Variants in COQ5 observed in about 807,000 individuals in gnomAD.
COQ5 encodes 2-methoxy-6-polyprenyl-1,4-benzoquinol methylase, mitochondrial.
A neutral mutation model predicts 40.5 loss-of-function variants in COQ5; 27 were observed. That is an observed-to-expected ratio of 0.67 (90% CI 0.49 to 0.92). COQ5 has a LOEUF of 0.92. Ranked by LOEUF, COQ5 falls within the 40% of genes least tolerant of loss-of-function variation. The probability of loss-of-function intolerance (pLI) is 0.00; values close to 1 mark genes in which losing one functional copy is unlikely to be tolerated. For synonymous variants in COQ5, 141 were observed against 150.0 expected (o/e 0.94, Z 0.44); for missense variants, 409 against 406.4 (o/e 1.01, Z -0.06).
intron 1 of COQ5, among the ~76,000 whole-genome samples, chr12:120,527,612 T>G (rs1870009706): frequency 6.6e-6 from 1 of 152,136 alleles, no homozygotes; most frequent in Non-Finnish European, 1.5e-5. Flanking sequence ...AATTCATATT[T>G]AGTTCAGTAG....
chr12:120,521,975 C>T (rs1019109403), intron 2 of COQ5, among the ~76,000 whole-genome samples: 7 of 151,198 alleles, frequency 4.6e-5, no homozygotes, highest in Non-Finnish European at 8.8e-5. Context: ...CCAGCCTGGG[C>T]GACAGAGTGA....
chr12:120,505,218 T>A (rs1868826047), intron 4 of COQ5, among the ~76,000 whole-genome samples: 1 of 152,170 alleles, frequency 6.6e-6, no homozygotes. Context: ...CTAAACTGAC[T>A]ACAGATTGGT....
chr12:120,513,456 T>A (rs1194355485), intron 3 of COQ5, among the ~76,000 whole-genome samples: 1 of 148,724 alleles, frequency 6.7e-6, no homozygotes, highest in African/African-American at 2.5e-5. Context: ...GAGCCGAGAT[T>A]GCGCCACTGC....
At chr12:120,526,901 G>A (rs1337350262) in intron 1 of COQ5, 1 of 160,616 alleles carries the variant, frequency 6.2e-6, no homozygotes, top group Non-Finnish European at 1.4e-5. Context: ...ATTTTTAGTA[G>A]AGACGGAGTT....
chr12:120,503,775 G>C lies in COQ5; in HGVS notation c.*9C>G, dbSNP rs1426930242. The stretch of plus-strand genomic sequence containing the variant: ...TATGACTGGTTCATGCTCCATGATA[G>C]GAAAGGAATTAAAGTTTGAAGCCAG... On this transcript the variant is annotated 3_prime_UTR_variant, in exon 7 of 7. Transcript: ENST00000288532. 3 of 1,602,716 alleles carry C rather than the reference G, an allele frequency of 1.9e-6. No homozygotes were observed. The highest frequency in any genetic ancestry group is 8.5e-7 in the Non-Finnish European group (1 of 1,169,654).
chr12:120,521,614 G>T (rs1869660731), intron 2 of COQ5, among the ~76,000 whole-genome samples: 1 of 149,082 alleles, frequency 6.7e-6, no homozygotes, highest in Non-Finnish European at 1.5e-5. Context: ...GGTGGAGGTT[G>T]CAGTGGAGCC....
Position 120,510,026 on chromosome 12 carries a change from G to A in COQ5, c.672C>T (p.His224=), listed in dbSNP as rs1292917650. ...ATGCAGCCATTCATACCTGATCAAT[G>A]TGTGTGACATTCCGGATCCCAAAGG... The part of the protein sequence containing the change: ...TIAFGIRNVT[H]IDQALQEAHR... Residue 224 remains histidine, a synonymous_variant, in exon 4 of 7, where the codon CAC becomes CAT. Coordinates refer to ENST00000288532, the MANE Select transcript of COQ5 (RefSeq NM_032314.4). 1.2e-6 allele frequency: 2 copies of A among 1,612,958 alleles called. No homozygotes were observed. Among genetic ancestry groups the A allele is most frequent in the Non-Finnish European group, 8.5e-7 (1 of 1,178,920 alleles).
At chr12:120,510,202 C>A in intron 3 of COQ5, 79 bp from the exon 4 acceptor site, 1 of 1,163,174 alleles carries the variant, frequency 8.6e-7, no homozygotes, top group Non-Finnish European at 1.3e-6. Flanking sequence ...TCATGTAGAG[C>A]ATTGAGCTGG....
chr12:120,510,867 A>T (rs1869100244), intron 3 of COQ5, among the ~76,000 whole-genome samples: 1 of 152,138 alleles, frequency 6.6e-6, no homozygotes, highest in African/African-American at 2.4e-5. Context: ...ACATTATACA[A>T]CCTACAGCGA....
At chr12:120,505,353 T>G (rs1171665043) in intron 4 of COQ5, among the ~76,000 whole-genome samples, 1 of 152,154 alleles carries the variant, frequency 6.6e-6, no homozygotes, top group East Asian at 1.9e-4. Context: ...GAATGACATG[T>G]ACGTGGGTTA....
rs759921272 is a variant in COQ5 at position 120,529,095 on chromosome 12, C to T, written c.47G>A (p.Gly16Glu). ...SCALWSYCGR[G>E]WSRAMRGCQL... ...GCAGCCCCGCATCGCCCGCGACCAC[C>T]CACGGCCGCAATAGCTCCATAGAGC... The change falls in exon 1 of 7, where the codon GGG (glycine) becomes GAG (glutamate). Residue 16 changes from glycine to glutamate, a missense_variant. Coordinates refer to ENST00000288532, the MANE Select transcript of COQ5 (RefSeq NM_032314.4). 3.1e-6 allele frequency: 5 copies of T among 1,614,026 alleles called. No individual in the cohort carries two copies. Among genetic ancestry groups the T allele is most frequent in the Non-Finnish European group, 4.2e-6 (5 of 1,180,026 alleles).
At chr12:120,523,425 G>T in intron 1 of COQ5, 1 of 406,518 alleles carries the variant, frequency 2.5e-6, no homozygotes, top group Non-Finnish European at 4.8e-6. Context: ...TGTGTGGTGT[G>T]GTTCTTAGAC....
At chr12:120,508,502 C>T (rs1322425265) in intron 4 of COQ5, among the ~76,000 whole-genome samples, 6 of 152,026 alleles carry the variant, frequency 3.9e-5, no homozygotes, top group African/African-American at 7.2e-5. Context: ...GCAAAAATTA[C>T]AAATAAGGAT....
intron 4 of COQ5, chr12:120,509,756 A>T (rs1176493391): frequency 1.5e-5 from 5 of 331,748 alleles, no homozygotes; most frequent in South Asian, 3.4e-5. Flanking sequence ...TTTTAAGATT[A>T]AAAAAAAAAT....
intron 1 of COQ5, chr12:120,522,776 T>C (rs921930908): frequency 3.0e-6 from 2 of 659,316 alleles, no homozygotes; most frequent in Non-Finnish European, 5.4e-6. Flanking sequence ...CTTGAGCCCC[T>C]TGGCAATGCA....
chr12:120,522,255 G>A lies in COQ5; in HGVS notation c.311C>T (p.Pro104Leu), dbSNP rs772557032. 39 of 1,613,960 alleles carry A rather than the reference G, an allele frequency of 2.4e-5. No individual in the cohort carries two copies. The highest frequency in any genetic ancestry group is 1.6e-4 in the Middle Eastern group (1 of 6,084). The change falls in exon 2 of 7, where the codon CCG (proline) becomes CTG (leucine). Residue 104 changes from proline (P) to leucine (L), a missense_variant. Coordinates refer to ENST00000288532, the MANE Select transcript of COQ5 (RefSeq NM_032314.4). ...WKDLLLWKMHPLPGTQLLDVA... is the reference protein window; with the variant it reads ...WKDLLLWKMHLLPGTQLLDVA... The stretch of plus-strand genomic sequence containing the variant: ...ATCAAGCAGCTGGGTCCCAGGAAGC[G>A]GGTGCATCTTCCAGAGCAGCAAATC...
chr12:120,519,363 A>G (rs1350858613), intron 2 of COQ5, among the ~76,000 whole-genome samples: 1 of 152,124 alleles, frequency 6.6e-6, no homozygotes, highest in Non-Finnish European at 1.5e-5. Flanking sequence ...ATTTGAGGCC[A>G]GCCTGGCCAA....
chr12:120,523,963 T>C (rs1260706149), intron 1 of COQ5: 5 of 409,446 alleles, frequency 1.2e-5, no homozygotes, highest in Admixed American at 5.4e-5. Flanking sequence ...TGAGCTGAAA[T>C]TGGACCACTG....
intron 1 of COQ5, among the ~76,000 whole-genome samples, chr12:120,525,376 C>T (rs59201986): frequency 0.16 from 24,900 of 151,856 alleles, 2,613 homozygotes; most frequent in African/African-American, 0.3. Flanking sequence ...GGATTACAGG[C>T]GTGAGCCACC....
Sources: gnomAD v4.1 joint callset for allele counts (sites outside exome capture counted in the v4.1 genomes callset) on GRCh38, gnomAD v4.1.1 for gene constraint, MANE v1.5 for transcripts, NCBI Gene and HGNC (gene_info 2026-07-23, HGNC 2026-07-21) for gene names.